The following GCNT1 variants were observed in gnomAD, a reference collection of about 807,000 sequenced individuals.
GCNT1 encodes glucosaminyl (N-acetyl) transferase 1.
A neutral mutation model predicts 26.2 loss-of-function variants in GCNT1; 16 were observed. The ratio of observed to expected loss-of-function variants is 0.61; its 90% CI spans 0.41 to 0.93. The LOEUF is 0.93. Ranked by LOEUF, GCNT1 falls within the 40% of genes least tolerant of loss-of-function variation. GCNT1 has a pLI of 0.00. For synonymous variants in GCNT1, 183 were observed against 190.8 expected (o/e 0.96, Z 0.34); for missense variants, 477 against 526.7 (o/e 0.91, Z 0.92).
chr9:76,491,138 A>C (rs1824724568), intron 2 of GCNT1, among the ~76,000 whole-genome samples: 1 of 143,124 alleles, frequency 7.0e-6, no homozygotes, highest in African/African-American at 2.6e-5. Context: ...TCTCTTTTTG[A>C]CTCCCTCTTT....
chr9:76,502,558 C>G lies in GCNT1; in HGVS notation c.177C>G (p.Cys59Trp). Residue 59 changes from cysteine (C) to tryptophan (W), a missense_variant, in exon 4 of 4, where the codon TGC becomes TGG. Coordinates refer to ENST00000376730, the MANE Select transcript of GCNT1 (RefSeq NM_001490.5). ...AGENPSSDIN[C>W]TKVLQGDVNE... The stretch of plus-strand genomic sequence containing the variant: ...AGAATCCTAGTAGTGATATTAATTG[C>G]ACCAAAGTTTTACAGGGTGATGTAA... The G allele has an allele frequency of 6.2e-7, 1 of 1,613,974 alleles. No individual in the cohort carries two copies. The highest frequency in any genetic ancestry group is 8.5e-7 in the Non-Finnish European group (1 of 1,179,914).
At position 76,505,741 on chromosome 9, in the gene GCNT1, T is replaced by G. The variant is rs1825220008; in HGVS notation, c.*2073T>G. ...TTGGCAAAATTGGAAATTAAAATTT[T>G]TAAAAATTACAAATATACAAAGTTA... is the stretch of plus-strand genomic sequence containing the variant. On this transcript the variant is annotated 3_prime_UTR_variant, in exon 4 of 4. Transcript: ENST00000376730. 6.0e-6 allele frequency: 1 copy of G among 166,994 alleles called. No individual in the cohort carries two copies. Among genetic ancestry groups the G allele is most frequent in the South Asian group, 2.1e-4 (1 of 4,832 alleles). 10.3% of individuals were successfully genotyped at this position (166,994 alleles called of 1,614,324 possible).
At chr9:76,445,418 C>T (rs1357604500) in intron 1 of GCNT1, among the ~76,000 whole-genome samples, 1 of 151,938 alleles carries the variant, frequency 6.6e-6, no homozygotes, top group East Asian at 1.9e-4. Flanking sequence ...TTGACAGTCT[C>T]ACTCTTTCAC....
At chr9:76,405,126 T>C in the GCNT1 span, among the ~76,000 whole-genome samples, 1 of 152,316 alleles carries the variant, frequency 6.6e-6, no homozygotes, top group South Asian at 2.1e-4. Flanking sequence ...ACCCAAGTCA[T>C]CAAATTTTGA....
chr9:76,435,475 C>T (rs1456508274), intron 1 of GCNT1, among the ~76,000 whole-genome samples: 2 of 152,188 alleles, frequency 1.3e-5, no homozygotes, highest in African/African-American at 2.4e-5. Flanking sequence ...GTGGCTAAAA[C>T]AACAGAATTT....
intron 2 of GCNT1, among the ~76,000 whole-genome samples, chr9:76,492,280 T>C (rs947832131): frequency 6.6e-6 from 1 of 152,098 alleles, no homozygotes; most frequent in African/African-American, 2.4e-5. Flanking sequence ...AGATAATAGC[T>C]CCAGCTATGG....
In GCNT1 at chr9:76,459,216, G is replaced by T. The variant is rs1439097008; in HGVS notation, c.-497G>T. The T allele has an allele frequency of 2.6e-5, 4 of 152,516 alleles. No individual in the cohort carries two copies. In the South Asian group the frequency reaches 6.2e-4, roughly 24 times the overall value. The allele number at this position is 152,516 out of a possible 1,614,324, so 9.4% of individuals were successfully genotyped here. A position where few individuals can be genotyped will look rare whatever the true frequency, so the allele number is the denominator to read the frequency against. ...TGAGGGCTGCAGGCGCAGCTCCGGA[G>T]CGCCTAGAGCGCGGCGCGGGGCGGG... On this transcript the variant is annotated 5_prime_UTR_variant, in exon 1 of 4. Coordinates refer to ENST00000376730, the MANE Select transcript of GCNT1 (RefSeq NM_001490.5).
At position 76,505,051 on chromosome 9, in the gene GCNT1, C is replaced by T. The variant is rs868751963; in HGVS notation, c.*1383C>T. 2.9e-5 allele frequency: 12 copies of T among 412,340 alleles called. No individual in the cohort carries two copies. Among genetic ancestry groups the T allele is most frequent in the Admixed American group, 4.4e-5 (1 of 22,712 alleles). 25.5% of individuals were successfully genotyped at this position (412,340 alleles called of 1,614,324 possible). Reference sequence around the variant, plus strand: ...CATTCAAATCTTAAAAAGAAATTCTCGTACTTTTGCCATGTTGATACTGTT... The same window carrying T: ...CATTCAAATCTTAAAAAGAAATTCTTGTACTTTTGCCATGTTGATACTGTT... On this transcript the variant is annotated 3_prime_UTR_variant, in exon 4 of 4. Transcript: ENST00000376730.
chr9:76,495,338 T>G (rs10117138), intron 2 of GCNT1, among the ~76,000 whole-genome samples: 1,687 of 152,238 alleles, frequency 0.011, 28 homozygotes, highest in African/African-American at 0.038. Flanking sequence ...CTCGCTGACT[T>G]CATGAGTGAA....
chr9:76,468,900 A>G (rs977045409), intron 2 of GCNT1, among the ~76,000 whole-genome samples: 1 of 152,240 alleles, frequency 6.6e-6, no homozygotes, highest in African/African-American at 2.4e-5. Context: ...AATATTGTAC[A>G]TTTGTGAGTT....
chr9:76,409,366 A>T, the GCNT1 span, among the ~76,000 whole-genome samples: 3 of 152,030 alleles, frequency 2.0e-5, no homozygotes, highest in Admixed American at 2.0e-4. Context: ...CTAGAGGCTT[A>T]TTGATTTTAT....
chr9:76,402,767 C>A, the GCNT1 span, among the ~76,000 whole-genome samples: 2 of 151,914 alleles, frequency 1.3e-5, no homozygotes, highest in Admixed American at 6.6e-5. Context: ...ACAACCTCCA[C>A]CTCCTGGGTT....
At position 76,494,444 on chromosome 9, in the gene GCNT1, G is replaced by A. The variant is rs118073801; in HGVS notation, c.-289-6472G>A. ...GGAAGGGATCTCCAGGGTTGGAAGAGTGACACATTTTGTTCTCACTTCTCA... is the reference window on the plus strand; with the variant it reads ...GGAAGGGATCTCCAGGGTTGGAAGAATGACACATTTTGTTCTCACTTCTCA... On this transcript the variant is annotated intron_variant, in intron 2 of 3. Coordinates refer to ENST00000376730, the MANE Select transcript of GCNT1 (RefSeq NM_001490.5). 9.4e-3 allele frequency among the ~76,000 whole-genome samples: 1,437 copies of A among 152,326 alleles called. 16 individuals are homozygous for A. The highest frequency in any genetic ancestry group is 0.012 in the Non-Finnish European group (806 of 68,030).
intron 2 of GCNT1, among the ~76,000 whole-genome samples, chr9:76,477,965 C>T (rs995528042): frequency 6.6e-6 from 1 of 152,132 alleles, no homozygotes; most frequent in Non-Finnish European, 1.5e-5. Flanking sequence ...ATGCACCGAT[C>T]AGCGCTCTGT....
At chr9:76,414,623 A>T in the GCNT1 span, among the ~76,000 whole-genome samples, 1 of 152,218 alleles carries the variant, frequency 6.6e-6, no homozygotes, top group Non-Finnish European at 1.5e-5. Context: ...AGTTTCAGAA[A>T]CTGAGGGTCC....
chr9:76,470,024 C>T (rs1001847054), intron 2 of GCNT1, among the ~76,000 whole-genome samples: 4 of 152,034 alleles, frequency 2.6e-5, no homozygotes, highest in Non-Finnish European at 4.4e-5. Context: ...AATAAACATA[C>T]TTATATTAAG....
chr9:76,464,324 C>T (rs1191251573), intron 2 of GCNT1, among the ~76,000 whole-genome samples: 1 of 152,134 alleles, frequency 6.6e-6, no homozygotes, highest in African/African-American at 2.4e-5. Context: ...TCAGGTGATC[C>T]TCCCACCTCA....
upstream of GCNT1, among the ~76,000 whole-genome samples, chr9:76,457,433 G>C (rs1319085825): frequency 6.6e-6 from 1 of 152,118 alleles, no homozygotes; most frequent in Non-Finnish European, 1.5e-5. Context: ...ATTTTTAGTA[G>C]AGACGGGGTT....
chr9:76,438,346 T>C (rs1823437473), upstream of GCNT1, among the ~76,000 whole-genome samples: 1 of 152,176 alleles, frequency 6.6e-6, no homozygotes, highest in Non-Finnish European at 1.5e-5. Context: ...GAAAGAGTTA[T>C]CAGTAGAAAG....
Sources: gnomAD v4.1 joint callset for allele counts (sites outside exome capture counted in the v4.1 genomes callset) on GRCh38, gnomAD v4.1.1 for gene constraint, MANE v1.5 for transcripts, NCBI Gene and HGNC (gene_info 2026-07-23, HGNC 2026-07-21) for gene names.